The following PRKD1 variants were observed in gnomAD, a reference collection of about 807,000 sequenced individuals.
PRKD1 encodes the protein protein kinase D1, also known as serine/threonine-protein kinase D1.
In PRKD1, 63 loss-of-function variants were observed where a neutral mutation model predicts 95.9. The ratio of observed to expected loss-of-function variants is 0.66; its 90% CI spans 0.54 to 0.81. The LOEUF (loss-of-function observed/expected upper bound fraction) is 0.81. Ranked by LOEUF, PRKD1 falls within the 30% of genes least tolerant of loss-of-function variation. The pLI is 0.00. For synonymous variants in PRKD1, 425 were observed against 423.1 expected, an observed-to-expected ratio of 1.00 and a Z score of -0.05; for missense variants, 1,048 against 1,165.3, an observed-to-expected ratio of 0.90 and a Z score of 1.47.
chr14:29,739,445 A>C (rs1369008873), intron 1 of PRKD1, among the ~76,000 whole-genome samples: 1 of 152,152 alleles, frequency 6.6e-6, no homozygotes, highest in East Asian at 1.9e-4. Flanking sequence ...ATAATTTTAA[A>C]TTTGTACCTT....
intron 1 of PRKD1, among the ~76,000 whole-genome samples, chr14:29,734,432 A>G (rs1398379748): frequency 2.0e-5 from 3 of 151,942 alleles, no homozygotes; most frequent in African/African-American, 7.3e-5. Flanking sequence ...GGATATTGAC[A>G]TTTGTCTTGG....
rs555996893 is a variant in PRKD1 at position 29,872,623 on chromosome 14, T to G, written c.264+54626A>C. On this transcript the variant is annotated intron_variant, in intron 1 of 17. Transcript: ENST00000331968. ...GTGAGCCGAGATCAAGCCACTGCAC[T>G]CCAGCCTGGGCAACAGAGTGAGACT... 2.7e-3 allele frequency among the ~76,000 whole-genome samples: 395 copies of G among 145,146 alleles called. 1 individual carries two copies. The highest frequency in any genetic ancestry group is 9.9e-3 in the African/African-American group (384 of 38,820).
intron 1 of PRKD1, among the ~76,000 whole-genome samples, chr14:29,852,751 C>T (rs1441356769): frequency 1.3e-5 from 2 of 151,288 alleles, no homozygotes; most frequent in African/African-American, 4.9e-5. Flanking sequence ...ATGAAAGAAA[C>T]AAAAAAGAAA....
At chr14:29,784,102 G>T (rs1484388338) in intron 1 of PRKD1, among the ~76,000 whole-genome samples, 1 of 152,092 alleles carries the variant, frequency 6.6e-6, no homozygotes, top group African/African-American at 2.4e-5. Context: ...TATAGTTTCA[G>T]GTCTTATATT....
At chr14:29,834,963 C>A (rs1391065063) in intron 1 of PRKD1, among the ~76,000 whole-genome samples, 1 of 152,050 alleles carries the variant, frequency 6.6e-6, no homozygotes, top group African/African-American at 2.4e-5. Context: ...GCTAAAGAGA[C>A]CTGAGTTGCA....
intron 1 of PRKD1, among the ~76,000 whole-genome samples, chr14:29,740,518 A>G (rs1009612257): frequency 6.6e-6 from 1 of 152,194 alleles, no homozygotes; most frequent in South Asian, 2.1e-4. Flanking sequence ...TTACTGCTTG[A>G]TCTTTCCTCT....
At chr14:29,705,457 T>G (rs80237477) in intron 2 of PRKD1, among the ~76,000 whole-genome samples, 41 of 63,912 alleles carry the variant, frequency 6.4e-4, no homozygotes, top group Admixed American at 5.4e-3. Context: ...CAGATTCTGT[T>G]TTTTTTTTTG....
At position 29,798,165 on chromosome 14, in the gene PRKD1, T is replaced by G. The variant is rs531864482; in HGVS notation, c.265-72491A>C. On this transcript the variant is annotated intron_variant, in intron 1 of 17. Transcript: ENST00000331968. ...ATCAGCTTTCCTCTTTGGGAAAATT[T>G]TATGTTTTTGCAGACATGTCTGAAA... Among the ~76,000 whole-genome samples, 5 of 152,304 alleles carry G rather than the reference T, an allele frequency of 3.3e-5. No homozygotes were observed. In the East Asian group the frequency reaches 9.7e-4, roughly 29 times the overall value.
intron 1 of PRKD1, among the ~76,000 whole-genome samples, chr14:29,779,266 T>C (rs1594510775): frequency 1.3e-5 from 2 of 152,120 alleles, no homozygotes; most frequent in East Asian, 1.9e-4. Flanking sequence ...CTATTCAACA[T>C]AGTGTTGGAA....
chr14:29,614,767 C>T (rs1037983961), intron 13 of PRKD1, among the ~76,000 whole-genome samples: 3 of 151,382 alleles, frequency 2.0e-5, no homozygotes, highest in South Asian at 2.1e-4. Context: ...GGCACGATCT[C>T]GGCTCACTGC....
intron 1 of PRKD1, among the ~76,000 whole-genome samples, chr14:29,825,803 T>C (rs1891085648): frequency 6.6e-6 from 1 of 152,076 alleles, no homozygotes; most frequent in Admixed American, 6.6e-5. Context: ...CAAATTATAT[T>C]GTTCATTTCC....
Position 29,632,983 on chromosome 14 carries a change from A to G in PRKD1, c.1315-37T>C, listed in dbSNP as rs375387734. On this transcript the variant is annotated intron_variant, in intron 8 of 17. Transcript: ENST00000331968. The stretch of plus-strand genomic sequence containing the variant: ...GTTAGATCCAAGATCTTTTTAAAAA[A>G]CTTTAAAAATATCCCCAATTGAAAA... The G allele has an allele frequency of 3.2e-6, 5 of 1,545,902 alleles. No individual in the cohort carries two copies. The African/African-American group carries it at 5.5e-5, about 17-fold the overall frequency.
chr14:29,586,813 T>C (rs895407857), intron 16 of PRKD1, among the ~76,000 whole-genome samples: 2 of 152,010 alleles, frequency 1.3e-5, no homozygotes, highest in African/African-American at 4.8e-5. Flanking sequence ...TTAGTAGAGA[T>C]GGGGTTTCTC....
At chr14:29,770,930 C>CAAAAAAAAAAAAAAAAAAAAAAAAAAAA (rs753745571) in intron 1 of PRKD1, among the ~76,000 whole-genome samples, 1 of 47,166 alleles carries the variant, frequency 2.1e-5, no homozygotes, top group African/African-American at 6.0e-5. Context: ...AGACACTGTC[C>CAAAAAAAAAAAAAAAAAAAAAAAAAAAA]AAAAAAAAAA....
chr14:29,856,389 A>G (rs1892504227), intron 1 of PRKD1, among the ~76,000 whole-genome samples: 1 of 152,178 alleles, frequency 6.6e-6, no homozygotes, highest in African/African-American at 2.4e-5. Context: ...TACAACCACA[A>G]CCAAAGGTTT....
intron 2 of PRKD1, among the ~76,000 whole-genome samples, chr14:29,701,546 T>C (rs936506034): frequency 6.6e-6 from 1 of 152,234 alleles, no homozygotes; most frequent in Non-Finnish European, 1.5e-5. Flanking sequence ...ATTCAGTTCA[T>C]ACATGAAAGG....
chr14:29,578,259 A>G lies in PRKD1; in HGVS notation c.2520+16T>C. 6.4e-7 allele frequency: 1 copy of G among 1,558,044 alleles called. No homozygotes were observed. The highest frequency in any genetic ancestry group is 8.8e-7 in the Non-Finnish European group (1 of 1,141,956). ...GAAGCTCATTCAACTAAGAAAACTC[A>G]GTGATTATTGTTTACCTGTAGCCAA... On this transcript the variant is annotated intron_variant, in intron 17 of 17. Transcript: ENST00000331968.
At chr14:29,645,566 C>T (rs541773791) in intron 4 of PRKD1, among the ~76,000 whole-genome samples, 2 of 152,216 alleles carry the variant, frequency 1.3e-5, no homozygotes, top group South Asian at 2.1e-4. Context: ...ACAGTTCTCT[C>T]CTATTGCCAT....
At chr14:29,808,299 C>T (rs540883095) in intron 1 of PRKD1, among the ~76,000 whole-genome samples, 1 of 145,084 alleles carries the variant, frequency 6.9e-6, no homozygotes, top group East Asian at 2.0e-4. Flanking sequence ...TTTGTTCATC[C>T]ATAAGAAGCC....
Sources: allele counts gnomAD v4.1 joint callset (sites outside exome capture counted in the v4.1 genomes callset), GRCh38; gene constraint gnomAD v4.1.1; transcripts MANE v1.5; gene names NCBI Gene and HGNC (gene_info 2026-07-23, HGNC 2026-07-21).